ANOS1: variants seen among roughly 807,000 people sequenced by gnomAD.
ANOS1 encodes anosmin-1.
Under a neutral mutation model 59.0 loss-of-function variants are expected in ANOS1, and 6 were observed. That is an observed-to-expected ratio of 0.10 (90% confidence interval 0.06 to 0.20). The LOEUF (loss-of-function observed/expected upper bound fraction) is 0.20, where lower values mean the gene tolerates loss of function less well. Ranked by LOEUF, ANOS1 falls within the 10% of genes least tolerant of loss-of-function variation. The probability of loss-of-function intolerance (pLI) is 1.00; values close to 1 mark genes in which losing one functional copy is unlikely to be tolerated. For missense variants in ANOS1, 433 were observed against 542.3 expected (o/e 0.80, Z 2.00); for synonymous variants, 217 against 223.4 (o/e 0.97, Z 0.25).
At chrX:8,662,590 T>G (rs1435790264) in intron 2 of ANOS1, among the ~76,000 whole-genome samples, 3 of 112,556 alleles carry the variant, frequency 2.7e-5, no homozygotes, top group African/African-American at 6.4e-5. Context: ...CCCTGGAATG[T>G]GACCTTATTT....
intron 2 of ANOS1, among the ~76,000 whole-genome samples, chrX:8,675,294 G>A (rs1932318844): frequency 9.0e-6 from 1 of 111,629 alleles, no homozygotes; most frequent in Admixed American, 9.5e-5. Flanking sequence ...TCATTTTTAG[G>A]CCAAAACATA....
chrX:8,584,406 TTTTGTTTG>T (rs772935518), intron 6 of ANOS1, among the ~76,000 whole-genome samples: 2 of 108,918 alleles, frequency 1.8e-5, no homozygotes, highest in Non-Finnish European at 3.8e-5. Context: ...AAAAAAAGTG[TTTTGTTTG>T]TTTGTTTGTT....
At chrX:8,587,133 T>C (rs12393624) in intron 5 of ANOS1, among the ~76,000 whole-genome samples, 1 of 90,703 alleles carries the variant, frequency 1.1e-5, no homozygotes, top group Non-Finnish European at 2.2e-5. Flanking sequence ...TGTGTGTGTG[T>C]GGGGGGGTGG....
intron 2 of ANOS1, among the ~76,000 whole-genome samples, chrX:8,665,109 T>C (rs980488744): frequency 1.8e-5 from 2 of 111,554 alleles, no homozygotes; most frequent in African/African-American, 6.5e-5. Flanking sequence ...CGGGACGTGC[T>C]CCCAGAATGA....
At chrX:8,668,068 G>C (rs745960787) in intron 2 of ANOS1, among the ~76,000 whole-genome samples, 28 of 109,414 alleles carry the variant, frequency 2.6e-4, no homozygotes, top group Admixed American at 2.1e-3. Context: ...TTGGGGAACA[G>C]GTGGTATTTG....
intron 4 of ANOS1, 41 bp downstream of exon 4, chrX:8,596,993 G>A (rs1346642461): frequency 8.3e-7 from 1 of 1,209,542 alleles, no homozygotes; most frequent in Admixed American, 2.2e-5. Context: ...AGATATATGT[G>A]ACACTGCATG....
intron 2 of ANOS1, among the ~76,000 whole-genome samples, chrX:8,676,998 C>A (rs1030300444): frequency 1.8e-5 from 2 of 111,827 alleles, no homozygotes; most frequent in East Asian, 5.6e-4. Flanking sequence ...TTTTCCCTCT[C>A]GCCTGAGACC....
intron 8 of ANOS1, among the ~76,000 whole-genome samples, chrX:8,557,628 C>A (rs1218141037): frequency 8.9e-6 from 1 of 112,040 alleles, no homozygotes; most frequent in Non-Finnish European, 1.9e-5. Flanking sequence ...CAATTAGATA[C>A]CATCTCATGC....
intron 2 of ANOS1, among the ~76,000 whole-genome samples, chrX:8,695,950 G>A (rs1039134610): frequency 8.9e-5 from 10 of 111,936 alleles, no homozygotes; most frequent in Admixed American, 1.9e-4. Context: ...TGACATGAAG[G>A]TGGTCATTCC....
At chrX:8,672,203 C>T (rs1932268292) in intron 2 of ANOS1, among the ~76,000 whole-genome samples, 1 of 111,161 alleles carries the variant, frequency 9.0e-6, no homozygotes, top group Non-Finnish European at 1.9e-5. Flanking sequence ...CACAAACACA[C>T]CCCAGTCATG....
At chrX:8,542,818 C>A (rs1445943787) in intron 9 of ANOS1, among the ~76,000 whole-genome samples, 1 of 106,875 alleles carries the variant, frequency 9.4e-6, no homozygotes, top group Non-Finnish European at 1.9e-5. Context: ...TGATTGTATT[C>A]GTTTCCACCC....
chrX:8,694,012 G>A (rs910779183), intron 2 of ANOS1, among the ~76,000 whole-genome samples: 4 of 110,899 alleles, frequency 3.6e-5, no homozygotes, highest in African/African-American at 6.6e-5. Context: ...GTGGGCCACC[G>A]CCCCAGGCTG....
At chrX:8,574,831 C>T (rs1324159299) in intron 6 of ANOS1, among the ~76,000 whole-genome samples, 1 of 111,489 alleles carries the variant, frequency 9.0e-6, no homozygotes, top group East Asian at 2.8e-4. Context: ...GTAAACTCCC[C>T]TTTATATATA....
chrX:8,594,691 T>TACACAC (rs1569058375), intron 4 of ANOS1, among the ~76,000 whole-genome samples: 12 of 54,415 alleles, frequency 2.2e-4, no homozygotes, highest in African/African-American at 9.6e-4. Flanking sequence ...TATATATATA[T>TACACAC]ATATATACAC....
rs749446648 is a variant in ANOS1 at position 8,562,215 on chromosome X, ACAGGCGTGAG to A, written c.1207+6007_1207+6016del. On this transcript the variant is annotated intron_variant, in intron 8 of 13. Transcript: ENST00000262648. ...CTTGGCCTCCCAAAGTGCTGGGATT[ACAGGCGTGAG>A]CTACCGCGCCCAGCCCTAGGCAAAC... Among the ~76,000 whole-genome samples, 969 of 112,019 alleles carry A rather than the reference ACAGGCGTGAG, an allele frequency of 8.7e-3. 12 individuals carry two copies. The highest frequency in any genetic ancestry group is 0.03 in the African/African-American group (916 of 30,817).
Position 8,702,741 on chromosome X carries a change from T to A in ANOS1, c.208-2996A>T, listed in dbSNP as rs1054657445. On this transcript the variant is annotated intron_variant, in intron 1 of 13. Transcript: ENST00000262648. ...CAAGGACGACACCTGTCTGAGCACA[T>A]CCTGGATTCAACTTGAGTGTTCCAA... is the stretch of plus-strand genomic sequence containing the variant. Among the ~76,000 whole-genome samples, 3 of 112,212 alleles carry A rather than the reference T, an allele frequency of 2.7e-5. No homozygotes were observed. In the Admixed American group the frequency reaches 2.8e-4, roughly 11 times the overall value.
chrX:8,541,377 T>C (rs2146789891), intron 9 of ANOS1, among the ~76,000 whole-genome samples: 1 of 96,704 alleles, frequency 1.0e-5, no homozygotes, highest in South Asian at 5.3e-4. Context: ...CACTCCAGCC[T>C]GGGCAACAAG....
At chrX:8,685,254 T>C (rs1443512235) in intron 2 of ANOS1, among the ~76,000 whole-genome samples, 3 of 110,888 alleles carry the variant, frequency 2.7e-5, no homozygotes, top group Non-Finnish European at 3.8e-5. Flanking sequence ...ACTGAGCTAT[T>C]GCTATTAATA....
At chrX:8,554,542 G>GTTTTTTTTTTTTTTTTTTT (rs757605733) in intron 8 of ANOS1, among the ~76,000 whole-genome samples, 6 of 50,834 alleles carry the variant, frequency 1.2e-4, no homozygotes, top group Admixed American at 6.4e-4. Context: ...GGCTACAGGA[G>GTTTTTTTTTTTTTTTTTTT]TTTTTTTTTT....
Sources: allele counts gnomAD v4.1 joint callset (sites outside exome capture counted in the v4.1 genomes callset), GRCh38; gene constraint gnomAD v4.1.1; transcripts MANE v1.5; gene names NCBI Gene and HGNC (gene_info 2026-07-23, HGNC 2026-07-21).